The following ABL2 variants were observed in gnomAD, a reference collection of about 807,000 sequenced individuals.
ABL2 encodes ABL proto-oncogene 2, non-receptor tyrosine kinase.
A neutral mutation model predicts 107.7 loss-of-function variants in ABL2; 49 were observed. The observed-to-expected ratio is 0.45, with a 90% confidence interval of 0.36 to 0.58. ABL2 has a LOEUF of 0.58. Among genes scored for constraint, ABL2 ranks in the 20% least tolerant of loss-of-function variants. The pLI, the probability that ABL2 is intolerant of heterozygous loss-of-function variation, is 0.00. For missense variants in ABL2, 1,245 were observed against 1,457.0 expected (o/e 0.85, Z 2.37); for synonymous variants, 549 against 548.6 (o/e 1.00, Z -0.01).
intron 1 of ABL2, among the ~76,000 whole-genome samples, chr1:179,138,995 C>A (rs1014090699): frequency 6.6e-6 from 1 of 152,216 alleles, no homozygotes; most frequent in Non-Finnish European, 1.5e-5. Context: ...CCTGGGCCAG[C>A]GGCTGTGGAG....
chr1:179,130,417 A>G (rs1478183103), intron 3 of ABL2, among the ~76,000 whole-genome samples: 1 of 152,214 alleles, frequency 6.6e-6, no homozygotes, highest in African/African-American at 2.4e-5. Context: ...CACACTATTT[A>G]TTACTTAGTT....
intron 4 of ABL2, among the ~76,000 whole-genome samples, chr1:179,122,816 G>A (rs9286921): frequency 0.53 from 79,982 of 151,690 alleles, 21,277 homozygotes; most frequent in Middle Eastern, 0.59. Context: ...ATCACGCCTG[G>A]CTAATTTTTT....
intron 3 of ABL2, among the ~76,000 whole-genome samples, chr1:179,129,499 G>A (rs1042469473): frequency 3.3e-4 from 50 of 151,970 alleles, no homozygotes; most frequent in African/African-American, 1.1e-3. Context: ...TGACCAACAT[G>A]GGTGAAACCC....
In ABL2 at chr1:179,188,323, C is replaced by T. The variant is rs139111004; in HGVS notation, c.157+40918G>A. Among the ~76,000 whole-genome samples, 225 of 152,244 alleles carry T rather than the reference C, an allele frequency of 1.5e-3. 1 individual carries two copies. The highest frequency in any genetic ancestry group is 5.2e-3 in the African/African-American group (215 of 41,538). On this transcript the variant is annotated intron_variant, in intron 1 of 11. Coordinates refer to ENST00000502732, the MANE Select transcript of ABL2 (RefSeq NM_007314.4). ...GTGGGAAGCCAAGCTAGGTAGATCA[C>T]CTAAGGGCAGGAGTTGGAGATGAGC...
intron 7 of ABL2, 39 bp from the exon 8 acceptor site, chr1:179,117,555 G>A: frequency 6.2e-7 from 1 of 1,606,072 alleles, no homozygotes; most frequent in Non-Finnish European, 8.5e-7. Flanking sequence ...CCATTCAGAT[G>A]GTGAGGAAAA....
chr1:179,174,060 T>C (rs1435035406), intron 1 of ABL2, among the ~76,000 whole-genome samples: 1 of 150,302 alleles, frequency 6.7e-6, no homozygotes, highest in Non-Finnish European at 1.5e-5. Flanking sequence ...GAGGCCGAGG[T>C]GGGCGGATCA....
chr1:179,223,109 CAAAAA>C (rs35137729), intron 1 of ABL2, among the ~76,000 whole-genome samples: 1 of 69,274 alleles, frequency 1.4e-5, no homozygotes. Flanking sequence ...GGCTCCCTCT[CAAAAA>C]AAAAAAAAAA....
At chr1:179,172,594 A>G (rs187450270) in intron 1 of ABL2, among the ~76,000 whole-genome samples, 1 of 152,222 alleles carries the variant, frequency 6.6e-6, no homozygotes, top group East Asian at 1.9e-4. Flanking sequence ...AATGGTTCTC[A>G]ATCTCCCTGA....
intron 1 of ABL2, chr1:179,142,810 C>T (rs1657708988): frequency 1.7e-6 from 2 of 1,188,054 alleles, no homozygotes; most frequent in Non-Finnish European, 2.3e-6. Flanking sequence ...AGCACACAAA[C>T]TTTCACTGAC....
chr1:179,222,234 T>C (rs1662910403), intron 1 of ABL2: 1 of 152,324 alleles, frequency 6.6e-6, no homozygotes, highest in African/African-American at 2.4e-5. Context: ...TACACTTAAC[T>C]TTTTTTTCTT....
At chr1:179,142,986 G>A in intron 1 of ABL2, 5 of 1,614,224 alleles carry the variant, frequency 3.1e-6, no homozygotes, top group Non-Finnish European at 4.2e-6. Flanking sequence ...GCAGCAAAGT[G>A]AAGTGTCCTG....
chr1:179,178,495 G>T (rs1275379068), intron 1 of ABL2, among the ~76,000 whole-genome samples: 1 of 150,890 alleles, frequency 6.6e-6, no homozygotes, highest in Non-Finnish European at 1.5e-5. Flanking sequence ...TAAGCTTATA[G>T]TTTCCTCGTC....
chr1:179,201,616 C>T, intron 1 of ABL2: 1 of 426,544 alleles, frequency 2.3e-6, no homozygotes, highest in South Asian at 2.2e-5. Flanking sequence ...CCTTCCTTGG[C>T]TGCCTACATG....
At chr1:179,119,762 T>C (rs1445572353) in intron 6 of ABL2, among the ~76,000 whole-genome samples, 1 of 152,142 alleles carries the variant, frequency 6.6e-6, no homozygotes, top group Non-Finnish European at 1.5e-5. Flanking sequence ...GCAAAAACAT[T>C]TCATGAGTTT....
chr1:179,162,993 T>A lies in ABL2; in HGVS notation c.158-29619A>T, dbSNP rs987310448. 2.0e-5 allele frequency among the ~76,000 whole-genome samples: 3 copies of A among 151,980 alleles called. No individual in the cohort carries two copies. The South Asian group carries it at 6.2e-4, about 32-fold the overall frequency. ...AAAGGAAAGAAAATAAGAAAAGCAATGGGAACAAGAAACATTACTGTTGGT... is the reference window on the plus strand; with the variant it reads ...AAAGGAAAGAAAATAAGAAAAGCAAAGGGAACAAGAAACATTACTGTTGGT... On this transcript the variant is annotated intron_variant, in intron 1 of 11. Coordinates refer to ENST00000502732, the MANE Select transcript of ABL2 (RefSeq NM_007314.4).
chr1:179,219,783 A>C (rs905233838), intron 1 of ABL2, among the ~76,000 whole-genome samples: 1 of 152,260 alleles, frequency 6.6e-6, no homozygotes, highest in African/African-American at 2.4e-5. Flanking sequence ...AGAAGAGAAA[A>C]TGAAGTAATA....
chr1:179,171,176 T>C lies in ABL2; in HGVS notation c.158-37802A>G, dbSNP rs1659695424. On this transcript the variant is annotated intron_variant, in intron 1 of 11. Coordinates refer to ENST00000502732, the MANE Select transcript of ABL2 (RefSeq NM_007314.4). ...TTACCAGGAGGCTGCAGTTCTGATA[T>C]GACTGGTGATTGCCTTTATAACTAT... Among the ~76,000 whole-genome samples the C allele has an allele frequency of 3.3e-5, 5 of 152,380 alleles. No homozygotes were observed. The South Asian group carries it at 1.0e-3, about 32-fold the overall frequency.
At chr1:179,229,167 T>TCCCCCCCCCCCCCCCCCCCCCCCCCCCC in intron 1 of ABL2, 74 bp downstream of exon 1, 2 of 402,572 alleles carry the variant, frequency 5.0e-6, no homozygotes, top group East Asian at 6.5e-5. Context: ...GGGCAGCCCG[T>TCCCCCCCCCCCCCCCCCCCCCCCCCCCC]CCGCCACCCA....
At chr1:179,219,011 T>C (rs903535716) in intron 1 of ABL2, among the ~76,000 whole-genome samples, 3 of 152,058 alleles carry the variant, frequency 2.0e-5, no homozygotes, top group African/African-American at 7.2e-5. Flanking sequence ...AAAAAGCCCA[T>C]CTGACTCACA....
Sources: gnomAD v4.1 joint callset for allele counts (sites outside exome capture counted in the v4.1 genomes callset) on GRCh38, gnomAD v4.1.1 for gene constraint, MANE v1.5 for transcripts, NCBI Gene and HGNC (gene_info 2026-07-23, HGNC 2026-07-21) for gene names.